Variants in PNRC1 observed in about 807,000 individuals in gnomAD.
PNRC1 encodes the protein proline rich nuclear receptor coactivator 1.
PNRC1 carries 6 observed loss-of-function variants against 20.2 expected under a neutral mutation model. The observed-to-expected ratio is 0.30, with a 90% CI of 0.16 to 0.59. PNRC1 has a LOEUF of 0.59. Among genes scored for constraint, PNRC1 ranks in the 20% least tolerant of loss-of-function variants. The pLI is 0.89. For missense variants in PNRC1, 488 were observed against 430.2 expected (o/e 1.13, Z -1.19); for synonymous variants, 202 against 186.9 (o/e 1.08, Z -0.66).
Position 89,083,998 on chromosome 6 carries a change from G to T in PNRC1, c.786G>T (p.Ser262=), listed in dbSNP as rs147195455. The change falls in exon 2 of 2, where the codon TCG becomes TCT. Residue 262 remains serine (S), a synonymous_variant. Coordinates refer to ENST00000336032, the MANE Select transcript of PNRC1 (RefSeq NM_006813.3). ...PFKNTENIKN[S]HLKKSAFLTE... ...AAAATACCGAGAACATTAAAAATTC[G>T]CATTTGAAGAAATCAGCATTTCTAA... The T allele has an allele frequency of 1.9e-6, 3 of 1,613,766 alleles. No individual in the cohort carries two copies. The highest frequency in any genetic ancestry group is 1.3e-5 in the African/African-American group (1 of 74,976).
In PNRC1 at chr6:89,080,943, C is replaced by T; in HGVS notation, c.49C>T (p.Arg17Cys). The T allele has an allele frequency of 1.2e-6, 2 of 1,613,152 alleles. No homozygotes were observed. The highest frequency in any genetic ancestry group is 1.7e-6 in the Non-Finnish European group (2 of 1,180,004). The change falls in exon 1 of 2, where the codon CGC (arginine) becomes TGC (cysteine). Residue 17 changes from arginine (R) to cysteine (C), a missense_variant. Coordinates refer to ENST00000336032, the MANE Select transcript of PNRC1 (RefSeq NM_006813.3). ...PQREPLVLGGRLAPLGFSSRG... is the reference protein window; with the variant it reads ...PQREPLVLGGCLAPLGFSSRG... ...GCGGGAGCCGCTCGTCCTGGGTGGC[C>T]GCCTTGCGCCGCTTGGCTTTTCCTC...
chr6:89,084,022 A>G lies in PNRC1; in HGVS notation c.810A>G (p.Leu270=), dbSNP rs113428135. ...KNSHLKKSAF[L]TEVSQKENYA... is the part of the protein sequence containing the mutation. Reference sequence around the variant, plus strand: ...CGCATTTGAAGAAATCAGCATTTCTAACTGAAGTGAGCCAAAAGGAAAATT... The same window carrying G: ...CGCATTTGAAGAAATCAGCATTTCTGACTGAAGTGAGCCAAAAGGAAAATT... Residue 270 remains leucine (L), a synonymous_variant, in exon 2 of 2, where the codon CTA becomes CTG. Coordinates refer to ENST00000336032, the MANE Select transcript of PNRC1 (RefSeq NM_006813.3). 1,253 of 1,614,162 alleles carry G rather than the reference A, an allele frequency of 7.8e-4. 5 individuals carry two copies. The highest frequency in any genetic ancestry group is 7.4e-3 in the African/African-American group (557 of 75,064).
rs140560342 is a variant in PNRC1, at chr6:89,084,011, T to A, written c.799T>A (p.Ser267Thr). The change falls in exon 2 of 2, where the codon TCA becomes ACA. Residue 267 changes from serine (S) to threonine (T), a missense_variant. Physicochemically the swap from Ser to Thr is moderately conservative, Grantham distance 58. Coordinates refer to ENST00000336032, the MANE Select transcript of PNRC1 (RefSeq NM_006813.3). ...ENIKNSHLKKSAFLTEVSQKE... is the reference protein window; with the variant it reads ...ENIKNSHLKKTAFLTEVSQKE... Reference sequence around the variant, plus strand: ...CATTAAAAATTCGCATTTGAAGAAATCAGCATTTCTAACTGAAGTGAGCCA... The same window carrying A: ...CATTAAAAATTCGCATTTGAAGAAAACAGCATTTCTAACTGAAGTGAGCCA... 2.2e-5 allele frequency: 36 copies of A among 1,613,972 alleles called. No individual in the cohort carries two copies. Among genetic ancestry groups the A allele is most frequent in the Non-Finnish European group, 3.1e-5 (36 of 1,179,986 alleles).
At chr6:89,082,942 A>G (rs186934047) in intron 1 of PNRC1, among the ~76,000 whole-genome samples, 40 of 152,092 alleles carry the variant, frequency 2.6e-4, no homozygotes, top group African/African-American at 9.6e-4. Context: ...GTGGTGATTA[A>G]CTGCATTTTT....
In PNRC1 at chr6:89,080,966, C is replaced by T. The variant is rs765111426; in HGVS notation, c.72C>T (p.Ser24=). Residue 24 remains serine, a synonymous_variant, in exon 1 of 2, where the codon TCC becomes TCT. Coordinates refer to ENST00000336032, the MANE Select transcript of PNRC1 (RefSeq NM_006813.3). ...GCCGCCTTGCGCCGCTTGGCTTTTCCTCCCGAGGTTACTTTGGGGCCCTCC... is the reference window on the plus strand; with the variant it reads ...GCCGCCTTGCGCCGCTTGGCTTTTCTTCCCGAGGTTACTTTGGGGCCCTCC... The part of the protein sequence containing the change: ...LGGRLAPLGF[S]SRGYFGALPM... 8 of 1,613,296 alleles carry T rather than the reference C, an allele frequency of 5.0e-6. No homozygotes were observed. The African/African-American group carries it at 1.1e-4, about 22-fold the overall frequency.
intron 1 of PNRC1, chr6:89,082,316 G>C (rs964722464): frequency 3.3e-5 from 5 of 152,208 alleles, no homozygotes; most frequent in Admixed American, 6.5e-5. Flanking sequence ...ATGGACTTAA[G>C]TTCAATGACT....
chr6:89,081,222 C>G lies in PNRC1; in HGVS notation c.328C>G (p.Leu110Val). ...GGTGCGGGCCAGCCCCGCAGGGCAGCTGCCCAGCCGCTTCCACCAGTACCA... is the reference window on the plus strand; with the variant it reads ...GGTGCGGGCCAGCCCCGCAGGGCAGGTGCCCAGCCGCTTCCACCAGTACCA... ...KKVRASPAGQ[L>V]PSRFHQYQQH... Residue 110 changes from leucine to valine, a missense_variant, in exon 1 of 2, where the codon CTG becomes GTG. Physicochemically the swap from Leu to Val is conservative, Grantham distance 32 (BLOSUM62 1). Coordinates refer to ENST00000336032, the MANE Select transcript of PNRC1 (RefSeq NM_006813.3). The G allele has an allele frequency of 8.4e-6, 13 of 1,554,034 alleles. No individual in the cohort carries two copies. The highest frequency in any genetic ancestry group is 1.1e-5 in the Non-Finnish European group (13 of 1,158,516).
Position 89,080,786 on chromosome 6 carries a change from G to T in PNRC1, c.-109G>T, listed in dbSNP as rs1363366242. 4 of 1,051,206 alleles carry T rather than the reference G, an allele frequency of 3.8e-6. No individual in the cohort carries two copies. The highest frequency in any genetic ancestry group is 3.2e-5 in the African/African-American group (2 of 63,362). The allele number at this position is 1,051,206 out of a possible 1,614,324, so 65.1% of individuals were successfully genotyped here. On this transcript the variant is annotated 5_prime_UTR_variant, in exon 1 of 2. Transcript: ENST00000336032. ...CGCCACCGCCCGAGTCATGTTCCGC[G>T]ATCTTCTCAGGCTCTCCTAGCAGCA...
chr6:89,083,339 C>T (rs2127985902), intron 1 of PNRC1, among the ~76,000 whole-genome samples: 1 of 152,274 alleles, frequency 6.6e-6, no homozygotes, highest in Admixed American at 6.5e-5. Context: ...CAAGGAGGTA[C>T]TTGTGCAGGT....
rs777926033 is a variant in PNRC1, at chr6:89,081,242, G to C, written c.348G>C (p.Gln116His). Reference protein sequence around the residue: ...PAGQLPSRFHQYQQHRPSLEG... With the variant: ...PAGQLPSRFHHYQQHRPSLEG... ...GGCAGCTGCCCAGCCGCTTCCACCA[G>C]TACCAGCAGCACCGGCCGAGTCTGG... Residue 116 changes from glutamine to histidine, a missense_variant, in exon 1 of 2, where the codon CAG becomes CAC. Transcript: ENST00000336032. The C allele has an allele frequency of 1.3e-6, 2 of 1,552,496 alleles. No individual in the cohort carries two copies. Among genetic ancestry groups the C allele is most frequent in the Non-Finnish European group, 8.6e-7 (1 of 1,157,322 alleles).
intron 1 of PNRC1, chr6:89,082,359 C>T (rs1768021206): frequency 6.6e-6 from 1 of 152,124 alleles, no homozygotes; most frequent in African/African-American, 2.4e-5. Context: ...AAAAAGTTCC[C>T]GTTATTTAGT....
In PNRC1 at chr6:89,081,082, G is replaced by A. The variant is rs762915848; in HGVS notation, c.188G>A (p.Gly63Glu). The change falls in exon 1 of 2, where the codon GGA becomes GAA. Residue 63 changes from glycine to glutamate, a missense_variant. By Grantham distance (98) the Gly-to-Glu change is moderately conservative. Coordinates refer to ENST00000336032, the MANE Select transcript of PNRC1 (RefSeq NM_006813.3). The part of the protein sequence containing the change: ...PTLFLPHFLG[G>E]DGPCLTPQPR... ...CTCTTCCTCCCTCATTTCCTAGGGG[G>A]AGATGGCCCGTGTCTGACCCCCCAG... is the stretch of plus-strand genomic sequence containing the variant. 20 of 1,609,938 alleles carry A rather than the reference G, an allele frequency of 1.2e-5. No individual in the cohort carries two copies. Among genetic ancestry groups the A allele is most frequent in the South Asian group, 3.3e-5 (3 of 91,090 alleles).
chr6:89,083,436 C>T (rs1768046603), intron 1 of PNRC1, among the ~76,000 whole-genome samples: 1 of 152,114 alleles, frequency 6.6e-6, no homozygotes, highest in African/African-American at 2.4e-5. Flanking sequence ...CAGTAGGTCC[C>T]CATCTCTCTC....
chr6:89,081,151 C>T lies in PNRC1; in HGVS notation c.257C>T (p.Ala86Val). The change falls in exon 1 of 2, where the codon GCG (alanine) becomes GTG (valine). Residue 86 changes from alanine (A) to valine (V), a missense_variant. Physicochemically the swap from Ala to Val is moderately conservative, Grantham distance 64. Coordinates refer to ENST00000336032, the MANE Select transcript of PNRC1 (RefSeq NM_006813.3). ...AALPNRSLAV[A>V]GGTPRAAPKK... ...CTGCCCAACCGCAGCCTCGCCGTGGCGGGAGGCACTCCTCGGGCAGCGCCG... is the reference window on the plus strand; with the variant it reads ...CTGCCCAACCGCAGCCTCGCCGTGGTGGGAGGCACTCCTCGGGCAGCGCCG... 6.2e-7 allele frequency: 1 copy of T among 1,602,332 alleles called. No homozygotes were observed.
In PNRC1 at chr6:89,080,807, C is replaced by A; in HGVS notation, c.-88C>A. 1 of 1,288,220 alleles carries A rather than the reference C, an allele frequency of 7.8e-7. No individual in the cohort carries two copies. The highest frequency in any genetic ancestry group is 1.1e-6 in the Non-Finnish European group (1 of 904,848). 79.8% of individuals were successfully genotyped at this position (1,288,220 alleles called of 1,614,324 possible). ...CCGCGATCTTCTCAGGCTCTCCTAG[C>A]AGCATCCATCGCCGCCACCCTATCT... On this transcript the variant is annotated 5_prime_UTR_variant, in exon 1 of 2. Transcript: ENST00000336032.
Position 89,081,045 on chromosome 6 carries a change from C to G in PNRC1, c.151C>G (p.Leu51Val). 6.2e-7 allele frequency: 1 copy of G among 1,611,212 alleles called. No individual in the cohort carries two copies. The highest frequency in any genetic ancestry group is 1.7e-5 in the Admixed American group (1 of 60,026). Reference protein sequence around the residue: ...PLPRIPDPRALPPTLFLPHFL... With the variant: ...PLPRIPDPRAVPPTLFLPHFL... ...ACCCCGGATCCCGGACCCCCGGGCA[C>G]TGCCCCCGACCCTCTTCCTCCCTCA... Residue 51 changes from leucine to valine, a missense_variant, in exon 1 of 2, where the codon CTG (leucine) becomes GTG (valine). Leu to Val is a conservative substitution (Grantham distance 32). Transcript: ENST00000336032.
intron 1 of PNRC1, 84 bp from the exon 2 acceptor site, chr6:89,083,663 TAAACAC>T (rs1302641801): frequency 3.0e-6 from 3 of 1,013,222 alleles, no homozygotes; most frequent in South Asian, 1.8e-5. Context: ...TGGGCAAACT[TAAACAC>T]AACAAAACTA....
Position 89,084,832 on chromosome 6 carries a change from T to C in PNRC1, c.*636T>C, listed in dbSNP as rs1293071582. ...AAATAATAATAATTTGGCCCCCCCT[T>C]TTAAAATAGTCTTGACTCTTTGTGT... On this transcript the variant is annotated 3_prime_UTR_variant, in exon 2 of 2. Transcript: ENST00000336032. 6.6e-6 allele frequency: 1 copy of C among 152,228 alleles called. No homozygotes were observed. Among genetic ancestry groups the C allele is most frequent in the Non-Finnish European group, 1.5e-5 (1 of 68,034 alleles). 9.4% of individuals were successfully genotyped at this position (152,228 alleles called of 1,614,324 possible).
chr6:89,082,917 T>C (rs763970447), intron 1 of PNRC1, among the ~76,000 whole-genome samples: 2 of 152,220 alleles, frequency 1.3e-5, no homozygotes, highest in South Asian at 4.1e-4. Flanking sequence ...TCACGTTGCA[T>C]ACTGGTAACT....
Sources: allele counts gnomAD v4.1 joint callset (sites outside exome capture counted in the v4.1 genomes callset), GRCh38; gene constraint gnomAD v4.1.1; transcripts MANE v1.5; gene names NCBI Gene and HGNC (gene_info 2026-07-23, HGNC 2026-07-21).